CYBRD1: variants seen among roughly 807,000 people sequenced by gnomAD.
The protein encoded by CYBRD1 is plasma membrane ascorbate-dependent reductase CYBRD1.
In CYBRD1, 14 loss-of-function variants were observed where a neutral mutation model predicts 21.9. That is an observed-to-expected ratio of 0.64 (90% confidence interval 0.42 to 1.00). The LOEUF is 1.00. CYBRD1 is among the 50% of genes least tolerant of loss of function. The pLI, the probability that CYBRD1 is intolerant of heterozygous loss-of-function variation, is 0.00. For synonymous variants in CYBRD1, 146 were observed against 136.5 expected, an observed-to-expected ratio of 1.07 and a Z score of -0.48; for missense variants, 328 against 352.5, an observed-to-expected ratio of 0.93 and a Z score of 0.56.
At position 171,556,953 on chromosome 2, in the gene CYBRD1, T is replaced by C. The variant is rs181238091; in HGVS notation, c.*2126T>C. 9.8e-5 allele frequency: 15 copies of C among 152,708 alleles called. No individual in the cohort carries two copies. Among genetic ancestry groups the C allele is most frequent in the African/African-American group, 3.4e-4 (14 of 41,564 alleles). 9.5% of individuals were successfully genotyped at this position (152,708 alleles called of 1,614,324 possible). Reference sequence around the variant, plus strand: ...GAATTGAGGTGGCCATTCCTTTTTGTATAGGCTAAGAAACAGGTTATCAGT... The same window carrying C: ...GAATTGAGGTGGCCATTCCTTTTTGCATAGGCTAAGAAACAGGTTATCAGT... On this transcript the variant is annotated 3_prime_UTR_variant, in exon 4 of 4. Coordinates refer to ENST00000321348, the MANE Select transcript of CYBRD1 (RefSeq NM_024843.4).
chr2:171,553,108 G>C (rs903470590), intron 2 of CYBRD1, among the ~76,000 whole-genome samples: 2 of 152,064 alleles, frequency 1.3e-5, no homozygotes, highest in Non-Finnish European at 2.9e-5. Context: ...TCTGTTAAGG[G>C]AAAAAAGCAA....
At chr2:171,544,477 A>G (rs747537254) in intron 2 of CYBRD1, among the ~76,000 whole-genome samples, 3 of 152,172 alleles carry the variant, frequency 2.0e-5, no homozygotes, top group Non-Finnish European at 4.4e-5. Context: ...TTCTACTAAG[A>G]GCATTAAAAT....
intron 1 of CYBRD1, among the ~76,000 whole-genome samples, chr2:171,524,157 A>G (rs545088631): frequency 2.0e-5 from 3 of 152,214 alleles, no homozygotes; most frequent in African/African-American, 7.2e-5. Flanking sequence ...ACTAACCCTC[A>G]GCATTCAAAG....
chr2:171,523,605 G>A (rs1465876713), intron 1 of CYBRD1, among the ~76,000 whole-genome samples: 7 of 152,186 alleles, frequency 4.6e-5, no homozygotes, highest in Non-Finnish European at 1.0e-4. Flanking sequence ...GGATGCCCCC[G>A]GCGCAAGCTG....
Position 171,556,299 on chromosome 2 carries a change from T to G in CYBRD1, c.*1472T>G, listed in dbSNP as rs1683487340. ...CAATAGCTAGGGTCTTTCCTGATTTTTATGGAATTTTAGGGGATATTTTGA... is the reference window on the plus strand; with the variant it reads ...CAATAGCTAGGGTCTTTCCTGATTTGTATGGAATTTTAGGGGATATTTTGA... On this transcript the variant is annotated 3_prime_UTR_variant, in exon 4 of 4. Coordinates refer to ENST00000321348, the MANE Select transcript of CYBRD1 (RefSeq NM_024843.4). 6.7e-6 allele frequency: 1 copy of G among 148,550 alleles called. No individual in the cohort carries two copies. The highest frequency in any genetic ancestry group is 1.5e-5 in the Non-Finnish European group (1 of 67,286). The allele number at this position is 148,550 out of a possible 1,614,324, so 9.2% of individuals were successfully genotyped here.
In CYBRD1 at chr2:171,542,038, T is replaced by C. The variant is rs112986254; in HGVS notation, c.402+245T>C. ...CACCATCGTGCCAGGCTAATTTTTG[T>C]ATTTTAGTAGAGATGGGGTTTCACC... On this transcript the variant is annotated intron_variant, in intron 2 of 3. Coordinates refer to ENST00000321348, the MANE Select transcript of CYBRD1 (RefSeq NM_024843.4). Among the ~76,000 whole-genome samples, 899 of 151,938 alleles carry C rather than the reference T, an allele frequency of 5.9e-3. 14 individuals carry two copies. Among genetic ancestry groups the C allele is most frequent in the African/African-American group, 0.021 (854 of 41,428 alleles).
chr2:171,539,653 T>G (rs1574438206), intron 1 of CYBRD1, among the ~76,000 whole-genome samples: 1 of 152,152 alleles, frequency 6.6e-6, no homozygotes, highest in Non-Finnish European at 1.5e-5. Flanking sequence ...AACTGAATGT[T>G]GGTTAAGGTG....
chr2:171,554,180 C>T (rs10930480), intron 3 of CYBRD1, among the ~76,000 whole-genome samples: 2,398 of 152,224 alleles, frequency 0.016, 26 homozygotes, highest in Non-Finnish European at 0.025. Flanking sequence ...AGGGAGTAGC[C>T]TCGGGTCCTT....
At position 171,522,888 on chromosome 2, in the gene CYBRD1, C is replaced by A; in HGVS notation, c.193+150C>A. The A allele has an allele frequency of 2.3e-6, 3 of 1,308,870 alleles. No homozygotes were observed. The highest frequency in any genetic ancestry group is 3.1e-6 in the Non-Finnish European group (3 of 960,272). The allele number at this position is 1,308,870 out of a possible 1,614,324, so 81.1% of individuals were successfully genotyped here. A position where few individuals can be genotyped will look rare whatever the true frequency, so the allele number is the denominator to read the frequency against. ...GTGAGGAGCGCGCGGGAAGCCAAGT[C>A]GGCTGGGCGGGAGGGAGGCTGGCTG... is the stretch of plus-strand genomic sequence containing the variant. On this transcript the variant is annotated intron_variant, in intron 1 of 3. Transcript: ENST00000321348. This position sits in a 1 kb window ranked among gnomAD's most constrained non-coding sequence, Gnocchi z 4.3.
chr2:171,557,418 G>T lies in CYBRD1; in HGVS notation c.*2591G>T, dbSNP rs1683509173. The T allele has an allele frequency of 6.6e-6, 1 of 152,128 alleles. No individual in the cohort carries two copies. 9.4% of individuals were successfully genotyped at this position (152,128 alleles called of 1,614,324 possible). ...CCATAATCTAATTTCAGAAAAGAAA[G>T]CTTTATTTTAACACTCATCTGAATC... On this transcript the variant is annotated 3_prime_UTR_variant, in exon 4 of 4. Transcript: ENST00000321348.
In CYBRD1 at chr2:171,522,762, G is replaced by A. The variant is rs368999568; in HGVS notation, c.193+24G>A. 2 of 1,612,912 alleles carry A rather than the reference G, an allele frequency of 1.2e-6. No homozygotes were observed. The highest frequency in any genetic ancestry group is 1.7e-5 in the Admixed American group (1 of 59,972). On this transcript the variant is annotated intron_variant, in intron 1 of 3. Transcript: ENST00000321348. This position sits in a 1 kb window ranked among gnomAD's most constrained non-coding sequence, Gnocchi z 4.3. ...CGGTACTGGCACCTCCTGGGGGGGT[G>A]CGGGGAGGAAAGCGGGGAGAACGGC...
rs1277004037 is a variant in CYBRD1, at chr2:171,556,210, C to T, written c.*1383C>T. 6.6e-6 allele frequency: 1 copy of T among 152,194 alleles called. No individual in the cohort carries two copies. Among genetic ancestry groups the T allele is most frequent in the Non-Finnish European group, 1.5e-5 (1 of 68,026 alleles). 9.4% of individuals were successfully genotyped at this position (152,194 alleles called of 1,614,324 possible). ...AATATTTTTTTCTTCAGGATTTTAG[C>T]TGCTGAACAACTTTCAGTTTGGAGC... On this transcript the variant is annotated 3_prime_UTR_variant, in exon 4 of 4. Coordinates refer to ENST00000321348, the MANE Select transcript of CYBRD1 (RefSeq NM_024843.4).
chr2:171,535,667 C>T (rs1697533132), intron 1 of CYBRD1, among the ~76,000 whole-genome samples: 1 of 82,758 alleles, frequency 1.2e-5, no homozygotes. Flanking sequence ...GAGACAGAGT[C>T]TTGCTCTGTT....
chr2:171,551,738 A>G (rs1343330468), intron 2 of CYBRD1, among the ~76,000 whole-genome samples: 1 of 152,206 alleles, frequency 6.6e-6, no homozygotes, highest in Non-Finnish European at 1.5e-5. Flanking sequence ...GTTGTCTCCA[A>G]CTTATTGCTA....
At chr2:171,532,660 G>A (rs1032140741) in intron 1 of CYBRD1, among the ~76,000 whole-genome samples, 1 of 152,110 alleles carries the variant, frequency 6.6e-6, no homozygotes, top group African/African-American at 2.4e-5. Context: ...AATTAGCCGG[G>A]CATGGTGGTG....
At chr2:171,531,675 A>G (rs768144848) in intron 1 of CYBRD1, among the ~76,000 whole-genome samples, 1 of 152,130 alleles carries the variant, frequency 6.6e-6, no homozygotes, top group Non-Finnish European at 1.5e-5. Context: ...ATCCTTAAAT[A>G]TTTAGAGCTG....
At chr2:171,538,510 G>T (rs142240439) in intron 1 of CYBRD1, among the ~76,000 whole-genome samples, 1 of 152,138 alleles carries the variant, frequency 6.6e-6, no homozygotes, top group African/African-American at 2.4e-5. Context: ...AAGTCTCCAC[G>T]TTCTCAAGGA....
rs983123246 is a variant in CYBRD1 at position 171,557,678 on chromosome 2, G to A, written c.*2851G>A. ...AAGAAGGCAATTGCACTTTTTAAGG[G>A]ATATCGACAAGCAGTTTCTGTTTTC... is the stretch of plus-strand genomic sequence containing the variant. On this transcript the variant is annotated 3_prime_UTR_variant, in exon 4 of 4. Transcript: ENST00000321348. The A allele has an allele frequency of 2.6e-5, 4 of 152,152 alleles. No individual in the cohort carries two copies. Among genetic ancestry groups the A allele is most frequent in the African/African-American group, 9.7e-5 (4 of 41,408 alleles). The allele number at this position is 152,152 out of a possible 1,614,324, so 9.4% of individuals were successfully genotyped here.
rs184817691 is a variant in CYBRD1, at chr2:171,531,474, G to C, written c.193+8736G>C. ...TTTTGCTTGTTTGTTTTGATACAGGGTCTTGCTCTGTCAGCCAGGCTGGAG... is the reference window on the plus strand; with the variant it reads ...TTTTGCTTGTTTGTTTTGATACAGGCTCTTGCTCTGTCAGCCAGGCTGGAG... On this transcript the variant is annotated intron_variant, in intron 1 of 3. Transcript: ENST00000321348. Among the ~76,000 whole-genome samples, 6 of 152,138 alleles carry C rather than the reference G, an allele frequency of 3.9e-5. No individual in the cohort carries two copies. The East Asian group carries it at 7.8e-4, about 20-fold the overall frequency.
Sources: gnomAD v4.1 joint callset for allele counts (sites outside exome capture counted in the v4.1 genomes callset) on GRCh38, gnomAD v4.1.1 for gene constraint, Gnocchi (gnomAD v3.1) non-coding constraint, MANE v1.5 for transcripts, NCBI Gene and HGNC (gene_info 2026-07-23, HGNC 2026-07-21) for gene names.